ROBO1: variants seen among roughly 807,000 people sequenced by gnomAD.
ROBO1 encodes the protein roundabout guidance receptor 1, also known as roundabout homolog 1.
ROBO1 carries 149 observed loss-of-function variants against 195.9 expected under a neutral mutation model. The observed-to-expected ratio is 0.76, with a 90% CI of 0.67 to 0.87. ROBO1 has a LOEUF of 0.87. Among genes scored for constraint, ROBO1 ranks in the 40% least tolerant of loss-of-function variants. The pLI, the probability that ROBO1 is intolerant of heterozygous loss-of-function variation, is 0.00. For synonymous variants in ROBO1, 816 were observed against 733.2 expected (o/e 1.11, Z -1.82); for missense variants, 1,933 against 2,068.3 (o/e 0.93, Z 1.27).
chr3:78,937,916 A>G (rs377387580), intron 4 of ROBO1: 39 of 152,286 alleles, frequency 2.6e-4, no homozygotes, highest in African/African-American at 8.4e-4. Flanking sequence ...CTTAATGAAG[A>G]CAAATTTTTA....
intron 25 of ROBO1, among the ~76,000 whole-genome samples, chr3:78,629,585 A>G (rs1705047094): frequency 6.6e-6 from 1 of 152,042 alleles, no homozygotes; most frequent in Non-Finnish European, 1.5e-5. Flanking sequence ...AGTCTCAGCT[A>G]CTTGGGAGGC....
chr3:78,707,395 T>C (rs149399974), intron 8 of ROBO1, among the ~76,000 whole-genome samples: 3 of 152,314 alleles, frequency 2.0e-5, no homozygotes, highest in Admixed American at 2.0e-4. Context: ...GCTCCTTCAC[T>C]GCACAGTTGG....
chr3:78,686,631 G>T (rs764020592), intron 9 of ROBO1, among the ~76,000 whole-genome samples: 1 of 151,654 alleles, frequency 6.6e-6, no homozygotes, highest in Non-Finnish European at 1.5e-5. Context: ...CAAAAGTCTT[G>T]CTTCACCTGT....
At chr3:78,909,778 T>C (rs1010833595) in intron 4 of ROBO1, among the ~76,000 whole-genome samples, 1 of 151,940 alleles carries the variant, frequency 6.6e-6, no homozygotes, top group East Asian at 1.9e-4. Context: ...AAAAAGTCTT[T>C]TTTTTACACC....
intron 8 of ROBO1, among the ~76,000 whole-genome samples, chr3:78,697,502 C>A (rs2081327026): frequency 6.6e-6 from 1 of 152,066 alleles, no homozygotes; most frequent in Non-Finnish European, 1.5e-5. Context: ...ACTACCAATG[C>A]CACAAGAAAA....
chr3:78,658,711 CT>C (rs1433973933), intron 17 of ROBO1, among the ~76,000 whole-genome samples: 3 of 152,168 alleles, frequency 2.0e-5, no homozygotes, highest in Admixed American at 1.3e-4. Context: ...CATCATTTAT[CT>C]TTTTATATTT....
chr3:79,548,755 G>T (rs1942367474), intron 2 of ROBO1, among the ~76,000 whole-genome samples: 1 of 152,164 alleles, frequency 6.6e-6, no homozygotes, highest in South Asian at 2.1e-4. Flanking sequence ...TTGCTCCTGA[G>T]TATGAGTTCT....
intron 2 of ROBO1, among the ~76,000 whole-genome samples, chr3:79,368,848 C>T (rs1189984428): frequency 6.6e-6 from 1 of 151,994 alleles, no homozygotes; most frequent in Admixed American, 6.6e-5. Flanking sequence ...ACTTAGATAC[C>T]CCCAACAGAT....
intron 2 of ROBO1, among the ~76,000 whole-genome samples, chr3:79,189,029 G>C (rs1323132520): frequency 6.6e-6 from 1 of 151,640 alleles, no homozygotes; most frequent in Non-Finnish European, 1.5e-5. Context: ...ATATCTAGTG[G>C]CATTGTGATC....
intron 4 of ROBO1, among the ~76,000 whole-genome samples, chr3:78,843,632 C>T (rs571367679): frequency 6.6e-6 from 1 of 151,976 alleles, no homozygotes; most frequent in East Asian, 1.9e-4. Flanking sequence ...TATACTTCTC[C>T]AAAAGTTTTA....
chr3:78,985,679 T>C (rs2077090879), intron 3 of ROBO1, among the ~76,000 whole-genome samples: 2 of 152,154 alleles, frequency 1.3e-5, no homozygotes, highest in East Asian at 1.9e-4. Flanking sequence ...GGTGGCAGAG[T>C]TGTAACAGCC....
At chr3:78,621,441 T>C (rs1381908131) in intron 26 of ROBO1, among the ~76,000 whole-genome samples, 1 of 152,222 alleles carries the variant, frequency 6.6e-6, no homozygotes, top group Non-Finnish European at 1.5e-5. Flanking sequence ...GTTTGGATAA[T>C]GCACATTCTG....
At chr3:79,499,039 G>A (rs1222110145) in intron 2 of ROBO1, among the ~76,000 whole-genome samples, 1 of 151,938 alleles carries the variant, frequency 6.6e-6, no homozygotes, top group Non-Finnish European at 1.5e-5. Context: ...TTGTCGCCCA[G>A]GCTGGAGTGC....
rs1041851959 is a variant in ROBO1, at chr3:78,627,474, G to A, written c.3722C>T (p.Pro1241Leu). The A allele has an allele frequency of 2.5e-6, 4 of 1,613,234 alleles. No homozygotes were observed. Among genetic ancestry groups the A allele is most frequent in the Admixed American group, 3.3e-5 (2 of 59,964 alleles). Residue 1241 changes from proline to leucine, a missense_variant, in exon 26 of 31, where the codon CCC becomes CTC. Transcript: ENST00000464233. ...EEEEDERGPT[P>L]PVRGAASSPA... The stretch of plus-strand genomic sequence containing the variant: ...AGAAGAAGCTGCTCCCCGAACAGGG[G>A]GAGTGGGGCCTCGTTCATCTTCCTC...
At chr3:78,936,629 C>T (rs2039823549) in intron 4 of ROBO1, among the ~76,000 whole-genome samples, 2 of 151,856 alleles carry the variant, frequency 1.3e-5, no homozygotes, top group Admixed American at 1.3e-4. Flanking sequence ...ACTATATGAG[C>T]TATTGTACAT....
chr3:79,629,553 A>T (rs548088828), intron 1 of ROBO1, among the ~76,000 whole-genome samples: 1 of 152,136 alleles, frequency 6.6e-6, no homozygotes, highest in Non-Finnish European at 1.5e-5. Flanking sequence ...AATATCTCAA[A>T]TTAACAAACC....
At chr3:79,027,616 C>A (rs1003109013) in intron 3 of ROBO1, among the ~76,000 whole-genome samples, 8 of 151,914 alleles carry the variant, frequency 5.3e-5, no homozygotes, top group African/African-American at 1.9e-4. Flanking sequence ...GAATATAAAC[C>A]TACTGTCTTA....
At chr3:79,014,494 C>G (rs943199633) in intron 3 of ROBO1, among the ~76,000 whole-genome samples, 16 of 152,088 alleles carry the variant, frequency 1.1e-4, no homozygotes, top group African/African-American at 3.6e-4. Flanking sequence ...AAGAAATCCA[C>G]TGTTTGGATT....
chr3:79,107,141 A>T (rs1193796697), intron 3 of ROBO1, among the ~76,000 whole-genome samples: 15 of 150,688 alleles, frequency 1.0e-4, no homozygotes, highest in African/African-American at 3.4e-4. Context: ...ACACACACAC[A>T]CACACACACA....
Sources: allele counts gnomAD v4.1 joint callset (sites outside exome capture counted in the v4.1 genomes callset), GRCh38; gene constraint gnomAD v4.1.1; transcripts MANE v1.5; gene names NCBI Gene and HGNC (gene_info 2026-07-23, HGNC 2026-07-21).